Variants in PARVB observed in about 807,000 individuals in gnomAD.
PARVB encodes the protein parvin beta, also known as beta-parvin.
In PARVB, 46 loss-of-function variants were observed where a neutral mutation model predicts 47.0. The ratio of observed to expected loss-of-function variants is 0.98; its 90% CI spans 0.77 to 1.25. PARVB has a LOEUF of 1.25. Ranked by LOEUF, PARVB falls within the 50% of genes most tolerant of loss-of-function variation. The pLI, the probability that PARVB is intolerant of heterozygous loss-of-function variation, is 0.00. For missense variants in PARVB, 473 were observed against 471.6 expected, an observed-to-expected ratio of 1.00 and a Z score of -0.03; for synonymous variants, 196 against 196.3, an observed-to-expected ratio of 1.00 and a Z score of 0.01.
intron 3 of PARVB, chr22:44,108,681 G>A (rs1033190882): frequency 3.3e-5 from 5 of 152,102 alleles, no homozygotes; most frequent in African/African-American, 1.2e-4. Flanking sequence ...ATCTCACAAA[G>A]TACATTCTCA....
intron 3 of PARVB, among the ~76,000 whole-genome samples, chr22:44,102,154 T>G (rs532211909): frequency 2.0e-5 from 3 of 152,240 alleles, no homozygotes; most frequent in East Asian, 3.9e-4. Context: ...GGGAACAGGG[T>G]GGGAGAAGAT....
chr22:44,022,539 C>T (rs2050661960), upstream of PARVB, among the ~76,000 whole-genome samples: 1 of 152,006 alleles, frequency 6.6e-6, no homozygotes, highest in Admixed American at 6.6e-5. Flanking sequence ...GAGGACTGGG[C>T]CTGGCACCAA....
intron 2 of PARVB, among the ~76,000 whole-genome samples, chr22:44,096,858 C>A (rs1391766375): frequency 6.6e-6 from 1 of 152,108 alleles, no homozygotes; most frequent in East Asian, 1.9e-4. Context: ...AGAGATACCA[C>A]CCTGGCCTCT....
rs138441157 is a variant in PARVB at position 44,128,221 on chromosome 22, G to A, written c.377-3266G>A. 6.6e-4 allele frequency among the ~76,000 whole-genome samples: 100 copies of A among 152,326 alleles called. 1 individual carries two copies. Among genetic ancestry groups the A allele is most frequent in the Non-Finnish European group, 7.2e-4 (49 of 68,026 alleles). On this transcript the variant is annotated intron_variant, in intron 4 of 12. Transcript: ENST00000338758. ...TGCATATGGCCAGAGTGAGGTGCCC[G>A]TGCTGTGGGAGCTCCTGGCTGTCGT...
chr22:44,153,189 G>A (rs780367702), intron 10 of PARVB: 1 of 152,122 alleles, frequency 6.6e-6, no homozygotes, highest in African/African-American at 2.4e-5. Context: ...TGTTTGAGAC[G>A]TTAGCACCCC....
At chr22:44,034,325 C>CAT (rs1401378823) in intron 1 of PARVB, among the ~76,000 whole-genome samples, 3 of 144,918 alleles carry the variant, frequency 2.1e-5, no homozygotes, top group Middle Eastern at 3.7e-3. Flanking sequence ...TGTCTTTATA[C>CAT]ATATATATGT....
chr22:44,085,265 C>T (rs1012636771), intron 1 of PARVB, among the ~76,000 whole-genome samples: 1 of 152,180 alleles, frequency 6.6e-6, no homozygotes. Flanking sequence ...CCACACCCAG[C>T]CTTTGCTGTA....
At position 44,008,087 on chromosome 22, in the gene PARVB, GT is replaced by G. The variant is rs780242481; in HGVS notation, c.211+8422del. Among the ~76,000 whole-genome samples the G allele has an allele frequency of 2.6e-5, 4 of 151,832 alleles. No individual in the cohort carries two copies. The East Asian group carries it at 7.7e-4, about 29-fold the overall frequency. ...GGGTTGTTTCTACCTTTAGAGACAG[GT>G]TTTTTTTGTTGTTGTTGTTGTTTTG... On this transcript the variant is annotated intron_variant, in intron 2 of 13. Coordinates refer to the PARVB transcript ENST00000406477.
At chr22:44,140,016 A>T in intron 7 of PARVB, 108 bp from the exon 8 acceptor site, 2 of 121,076 alleles carry the variant, frequency 1.7e-5, no homozygotes, top group Non-Finnish European at 2.6e-5. Context: ...CTGGGCAGCG[A>T]GGGCCCAGCT....
At chr22:44,134,633 C>T (rs1467748969) in intron 6 of PARVB, among the ~76,000 whole-genome samples, 1 of 152,154 alleles carries the variant, frequency 6.6e-6, no homozygotes, top group African/African-American at 2.4e-5. Flanking sequence ...AGTTACTCCC[C>T]AGACCTTAGA....
intron 10 of PARVB, among the ~76,000 whole-genome samples, chr22:44,156,891 A>G (rs960046457): frequency 1.3e-5 from 2 of 152,030 alleles, no homozygotes; most frequent in Admixed American, 1.3e-4. Context: ...TAGAATAGAG[A>G]ATTGGGGGAC....
chr22:44,128,652 C>A (rs527765059), intron 4 of PARVB, among the ~76,000 whole-genome samples: 4 of 152,362 alleles, frequency 2.6e-5, no homozygotes, highest in African/African-American at 9.6e-5. Context: ...TTAACTGCCT[C>A]TTTAAATACA....
intron 2 of PARVB, among the ~76,000 whole-genome samples, chr22:44,013,232 G>A (rs987628125): frequency 1.3e-4 from 20 of 152,198 alleles, no homozygotes; most frequent in Admixed American, 1.2e-3. Flanking sequence ...TAAGCACTTA[G>A]AGTGCTGCCA....
At chr22:44,088,922 T>C (rs749829715) in intron 1 of PARVB, among the ~76,000 whole-genome samples, 21 of 151,990 alleles carry the variant, frequency 1.4e-4, no homozygotes, top group Non-Finnish European at 2.9e-4. Flanking sequence ...TAATCCGAGG[T>C]TGTGTGCCCT....
At chr22:44,037,569 C>T (rs1368150375) in intron 1 of PARVB, among the ~76,000 whole-genome samples, 4 of 152,178 alleles carry the variant, frequency 2.6e-5, no homozygotes, top group East Asian at 1.9e-4. Context: ...GCTGGGAAGT[C>T]GGTGTTATGT....
chr22:44,093,809 A>C (rs2147045298), intron 1 of PARVB, 119 bp from the exon 2 acceptor site: 1 of 661,354 alleles, frequency 1.5e-6, no homozygotes, highest in Non-Finnish European at 2.7e-6. Flanking sequence ...ACCTTTTAGG[A>C]ATGTTTGTTA....
chr22:44,074,050 TGTTC>T (rs2051711969), intron 1 of PARVB, among the ~76,000 whole-genome samples: 2 of 152,238 alleles, frequency 1.3e-5, no homozygotes, highest in African/African-American at 4.8e-5. Flanking sequence ...TGGGATCCTC[TGTTC>T]GGGTTGAAGA....
intron 6 of PARVB, among the ~76,000 whole-genome samples, chr22:44,135,226 C>G (rs766978742): frequency 1.4e-4 from 22 of 152,108 alleles, no homozygotes; most frequent in Non-Finnish European, 2.9e-4. Context: ...GCCACCCCTA[C>G]CATCACCACT....
chr22:44,046,631 A>G (rs956618296), intron 1 of PARVB, among the ~76,000 whole-genome samples: 1 of 152,230 alleles, frequency 6.6e-6, no homozygotes, highest in Non-Finnish European at 1.5e-5. Context: ...CCCCGATGAC[A>G]TGTTATCTCC....
Sources: allele counts gnomAD v4.1 joint callset (sites outside exome capture counted in the v4.1 genomes callset), GRCh38; gene constraint gnomAD v4.1.1; transcripts MANE v1.5; gene names NCBI Gene and HGNC (gene_info 2026-07-23, HGNC 2026-07-21).